DOCK1: variants seen among roughly 807,000 people sequenced by gnomAD.
The protein encoded by DOCK1 is dedicator of cytokinesis protein 1.
In DOCK1, 138 loss-of-function variants were observed where a neutral mutation model predicts 262.7. The observed-to-expected ratio is 0.53, with a 90% CI of 0.46 to 0.61. The LOEUF is 0.61. Ranked by LOEUF, DOCK1 falls within the 20% of genes least tolerant of loss-of-function variation. DOCK1 has a pLI of 0.00. For missense variants in DOCK1, 1,908 were observed against 2,370.7 expected (o/e 0.80, Z 4.05); for synonymous variants, 866 against 867.4 (o/e 1.00, Z 0.03).
At chr10:127,009,950 C>G (rs2041306443) in intron 11 of DOCK1, among the ~76,000 whole-genome samples, 1 of 152,122 alleles carries the variant, frequency 6.6e-6, no homozygotes, top group Admixed American at 6.5e-5. Flanking sequence ...GCGATGTGGT[C>G]ACATAGCACC....
intron 47 of DOCK1, among the ~76,000 whole-genome samples, chr10:127,429,213 G>A (rs931437971): frequency 7.2e-5 from 11 of 152,056 alleles, no homozygotes; most frequent in African/African-American, 2.2e-4. Context: ...ACCCCGTCTA[G>A]GGGGTGGGAG....
intron 27 of DOCK1, among the ~76,000 whole-genome samples, chr10:127,154,786 C>T (rs2052876275): frequency 6.6e-6 from 1 of 152,164 alleles, no homozygotes; most frequent in Admixed American, 6.5e-5. Flanking sequence ...TAATAATGAT[C>T]TTGGGGTCTT....
At chr10:127,200,906 G>T (rs762156630) in intron 27 of DOCK1, among the ~76,000 whole-genome samples, 15 of 152,142 alleles carry the variant, frequency 9.9e-5, no homozygotes, top group Non-Finnish European at 2.1e-4. Flanking sequence ...ACTCAAAATG[G>T]AGTCGCTGTG....
intron 27 of DOCK1, among the ~76,000 whole-genome samples, chr10:127,196,380 C>G (rs1423949889): frequency 2.0e-5 from 3 of 148,742 alleles, no homozygotes; most frequent in Non-Finnish European, 3.0e-5. Flanking sequence ...CGCGCTCCTC[C>G]GATGTCCTCA....
chr10:127,160,916 A>T (rs2053541967), intron 27 of DOCK1, among the ~76,000 whole-genome samples: 1 of 152,188 alleles, frequency 6.6e-6, no homozygotes, highest in South Asian at 2.1e-4. Flanking sequence ...GCCATCATTT[A>T]TGTCAGCATC....
intron 32 of DOCK1, among the ~76,000 whole-genome samples, chr10:127,357,942 T>A (rs958418327): frequency 2.0e-5 from 3 of 152,008 alleles, no homozygotes; most frequent in African/African-American, 7.2e-5. Context: ...ACTCCAAATT[T>A]ATGACAGCAC....
At chr10:127,117,969 T>G (rs2049296458) in intron 25 of DOCK1, among the ~76,000 whole-genome samples, 1 of 152,192 alleles carries the variant, frequency 6.6e-6, no homozygotes, top group South Asian at 2.1e-4. Context: ...CCTCCCTGGG[T>G]GCACAGTCCT....
chr10:127,256,695 C>T (rs927327164), intron 28 of DOCK1, among the ~76,000 whole-genome samples: 9 of 152,130 alleles, frequency 5.9e-5, no homozygotes, highest in South Asian at 2.1e-4. Context: ...TGGGTGTGTA[C>T]GGAACCCTGC....
chr10:127,023,997 A>G (rs1401209204), intron 14 of DOCK1, among the ~76,000 whole-genome samples: 2 of 152,170 alleles, frequency 1.3e-5, no homozygotes, highest in Admixed American at 1.3e-4. Context: ...GATCATGAAG[A>G]TCTGCTTCCG....
At chr10:127,291,967 C>T (rs887433230) in intron 29 of DOCK1, among the ~76,000 whole-genome samples, 14 of 152,190 alleles carry the variant, frequency 9.2e-5, no homozygotes, top group Non-Finnish European at 2.9e-5. Context: ...AGGTTCTGTG[C>T]CAGGCACCAC....
intron 31 of DOCK1, among the ~76,000 whole-genome samples, chr10:127,349,394 C>T (rs1044067607): frequency 6.6e-6 from 1 of 152,118 alleles, no homozygotes; most frequent in African/African-American, 2.4e-5. Context: ...CTCTCCTGAG[C>T]TTTTCTCCAA....
In DOCK1 at chr10:127,374,207, A is replaced by G. The variant is rs1486678915; in HGVS notation, c.3668A>G (p.Asn1223Ser). 1.2e-6 allele frequency: 2 copies of G among 1,609,484 alleles called. No homozygotes were observed. Among genetic ancestry groups the G allele is most frequent in the Non-Finnish European group, 1.7e-6 (2 of 1,178,572 alleles). ...NKENRMSCTV[N>S]VLNFYKEIER... ...GAAAACCGCATGAGCTGCACCGTCA[A>G]TGTGCTGGTGAGTGAAAGCTTAATC... Residue 1223 changes from asparagine (N) to serine (S), a missense_variant, in exon 35 of 52, where the codon AAT (asparagine) becomes AGT (serine). Transcript: ENST00000623213.
intron 4 of DOCK1, among the ~76,000 whole-genome samples, chr10:126,983,699 A>T (rs2039148888): frequency 6.6e-6 from 1 of 152,028 alleles, no homozygotes; most frequent in Admixed American, 6.6e-5. Context: ...CTCTCACAGT[A>T]TCTTGCTTGC....
chr10:126,909,077 T>A (rs554404088), intron 1 of DOCK1, among the ~76,000 whole-genome samples: 1 of 152,244 alleles, frequency 6.6e-6, no homozygotes, highest in Non-Finnish European at 1.5e-5. Flanking sequence ...AATTCGTAGA[T>A]GGGAGATTAT....
intron 31 of DOCK1, among the ~76,000 whole-genome samples, chr10:127,347,856 T>TCCCTCCCCTTCCCTC (rs2063711656): frequency 2.3e-5 from 1 of 43,510 alleles, no homozygotes; most frequent in Admixed American, 1.9e-4. Context: ...TCCCTTCCCT[T>TCCCTCCCCTTCCCTC]CCCTTCCCTT....
intron 29 of DOCK1, among the ~76,000 whole-genome samples, chr10:127,269,690 T>C (rs2060491330): frequency 6.6e-6 from 1 of 152,194 alleles, no homozygotes; most frequent in Non-Finnish European, 1.5e-5. Flanking sequence ...CCAGAGAGGA[T>C]CCTGTGTTGT....
At chr10:127,342,050 C>T (rs916508204) in intron 30 of DOCK1, among the ~76,000 whole-genome samples, 5 of 152,112 alleles carry the variant, frequency 3.3e-5, no homozygotes, top group Admixed American at 6.5e-5. Flanking sequence ...AAGAAGCATT[C>T]GTGTTTTGTT....
Position 127,106,321 on chromosome 10 carries a change from G to T in DOCK1, c.2516+20G>T. On this transcript the variant is annotated intron_variant, in intron 24 of 51. Transcript: ENST00000623213. The stretch of plus-strand genomic sequence containing the variant: ...GCTCAGGTAAGTATGCAGCCCAGGC[G>T]AATGCTTGTCACGTGCCGTGTGTGA... 2 of 1,585,448 alleles carry T rather than the reference G, an allele frequency of 1.3e-6. No individual in the cohort carries two copies. The highest frequency in any genetic ancestry group is 2.3e-5 in the East Asian group (1 of 44,068).
At chr10:127,231,902 T>C (rs1243214707) in intron 27 of DOCK1, among the ~76,000 whole-genome samples, 1 of 152,312 alleles carries the variant, frequency 6.6e-6, no homozygotes, top group East Asian at 1.9e-4. Flanking sequence ...GAGAGACAGT[T>C]CGTGTGTCAC....
Sources: allele counts gnomAD v4.1 joint callset (sites outside exome capture counted in the v4.1 genomes callset), GRCh38; gene constraint gnomAD v4.1.1; transcripts MANE v1.5; gene names NCBI Gene and HGNC (gene_info 2026-07-23, HGNC 2026-07-21).